The following MCF2L variants were observed in gnomAD, a reference collection of about 807,000 sequenced individuals.
The protein encoded by MCF2L is MCF.2 cell line derived transforming sequence like.
Under a neutral mutation model 153.4 loss-of-function variants are expected in MCF2L, and 97 were observed. The ratio of observed to expected loss-of-function variants is 0.63; its 90% CI spans 0.54 to 0.75. The LOEUF is 0.75. Ranked by LOEUF, MCF2L falls within the 30% of genes least tolerant of loss-of-function variation. The pLI, the probability that MCF2L is intolerant of heterozygous loss-of-function variation, is 0.00. For missense variants in MCF2L, 1,347 were observed against 1,495.2 expected (o/e 0.90, Z 1.64); for synonymous variants, 659 against 632.2 (o/e 1.04, Z -0.64).
At chr13:112,936,849 A>G (rs2081519986) in intron 2 of MCF2L, among the ~76,000 whole-genome samples, 1 of 152,150 alleles carries the variant, frequency 6.6e-6, no homozygotes, top group Non-Finnish European at 1.5e-5. Flanking sequence ...TATAATACCT[A>G]ATACAATGTA....
At chr13:113,082,627 G>A (rs1017716208) in intron 17 of MCF2L, 85 bp downstream of exon 17, 15 of 1,041,542 alleles carry the variant, frequency 1.4e-5, no homozygotes, top group Non-Finnish European at 2.0e-5. Context: ...AATGGGGGTG[G>A]AGGCCAGGCC....
intron 3 of MCF2L, among the ~76,000 whole-genome samples, chr13:113,030,187 G>A (rs1050513948): frequency 1.3e-5 from 2 of 152,152 alleles, no homozygotes; most frequent in East Asian, 3.8e-4. Context: ...GGGTGAGCTC[G>A]TGCTTTGCTG....
chr13:113,091,248 G>T, intron 26 of MCF2L: 2 of 1,297,806 alleles, frequency 1.5e-6, no homozygotes, highest in Non-Finnish European at 2.0e-6. Flanking sequence ...AGGAAGCGCG[G>T]CCCAGCTGGC....
At chr13:113,033,599 T>A (rs1038549303) in intron 3 of MCF2L, among the ~76,000 whole-genome samples, 4 of 152,212 alleles carry the variant, frequency 2.6e-5, no homozygotes, top group African/African-American at 9.7e-5. Context: ...GTGCCCTGTT[T>A]CTGGCAGTTC....
chr13:113,078,583 G>T, intron 14 of MCF2L, 83 bp from the exon 15 acceptor site: 1 of 1,435,320 alleles, frequency 7.0e-7, no homozygotes, highest in Non-Finnish European at 9.7e-7. Flanking sequence ...GTCCCCATAC[G>T]GGAACTGGTG....
Position 113,094,635 on chromosome 13 carries a change from G to A in MCF2L, c.3075G>A (p.Leu1025=). The part of the protein sequence containing the change: ...EEDGGLGPKK[L]VPGKYTVVAD... ...ACGGCGGGTTGGGCCCCAAGAAGCT[G>A]GTAACCACGGCTTCCCTGTGGGCAC... Residue 1025 remains leucine, a splice_region_variant and synonymous_variant, in exon 27 of 30, where the codon CTG becomes CTA. Transcript: ENST00000535094. The A allele has an allele frequency of 6.2e-7, 1 of 1,608,542 alleles. No homozygotes were observed. Among genetic ancestry groups the A allele is most frequent in the South Asian group, 1.1e-5 (1 of 90,490 alleles).
At chr13:112,936,711 T>C (rs2081518783) in intron 2 of MCF2L, among the ~76,000 whole-genome samples, 1 of 152,238 alleles carries the variant, frequency 6.6e-6, no homozygotes, top group African/African-American at 2.4e-5. Flanking sequence ...AGGAAATTGT[T>C]TCCTAGGACA....
At chr13:112,942,606 C>T (rs2081587501) in intron 2 of MCF2L, among the ~76,000 whole-genome samples, 1 of 152,180 alleles carries the variant, frequency 6.6e-6, no homozygotes, top group Non-Finnish European at 1.5e-5. Context: ...GGGGCTGGAC[C>T]CTACAGTCCA....
At chr13:113,069,892 C>T (rs914080765) in intron 8 of MCF2L, among the ~76,000 whole-genome samples, 167 bp from the exon 9 acceptor site, 1 of 152,154 alleles carries the variant, frequency 6.6e-6, no homozygotes, top group Non-Finnish European at 1.5e-5. Context: ...GCCCTGAGTG[C>T]CCGCGCCCGC....
intron 2 of MCF2L, among the ~76,000 whole-genome samples, chr13:112,919,244 C>G (rs1191765623): frequency 1.7e-5 from 2 of 119,618 alleles, no homozygotes; most frequent in African/African-American, 6.5e-5. Flanking sequence ...CTTGCTCTGT[C>G]GCCCAGGCTG....
chr13:112,942,120 G>A (rs921722835), intron 2 of MCF2L, among the ~76,000 whole-genome samples: 23 of 152,332 alleles, frequency 1.5e-4, no homozygotes, highest in Non-Finnish European at 2.5e-4. Flanking sequence ...CTTGTGGAGG[G>A]TCTGTCAGGC....
At chr13:113,005,719 G>A (rs2083651462) in intron 1 of MCF2L, among the ~76,000 whole-genome samples, 1 of 152,204 alleles carries the variant, frequency 6.6e-6, no homozygotes, top group African/African-American at 2.4e-5. Context: ...GCTGGGAGTG[G>A]ATGTTGGGTA....
At chr13:112,968,748 G>T (rs2081943597), upstream of MCF2L, 1 of 1,382,090 alleles carries the variant, frequency 7.2e-7, no homozygotes, top group East Asian at 3.0e-5. Flanking sequence ...GCGGCCCCGC[G>T]GAGGCAGCTG....
In MCF2L at chr13:113,081,326, G is replaced by T. The variant is rs555603789; in HGVS notation, c.1875+47G>T. On this transcript the variant is annotated intron_variant, in intron 16 of 29. Coordinates refer to ENST00000535094, the MANE Select transcript of MCF2L (RefSeq NM_001112732.3). ...GCCGACTGCCACGGGGACTCCCCTG[G>T]GCCAGCTGGTGGGGCTTCCTCTGAC... The T allele has an allele frequency of 4.5e-4, 688 of 1,532,810 alleles. 12 individuals carry two copies. In the South Asian group the frequency reaches 7.7e-3, roughly 17 times the overall value. 95.0% of individuals were successfully genotyped at this position (1,532,810 alleles called of 1,614,324 possible).
intron 1 of MCF2L, among the ~76,000 whole-genome samples, chr13:113,004,122 C>G (rs951335381): frequency 6.6e-6 from 1 of 152,168 alleles, no homozygotes; most frequent in Non-Finnish European, 1.5e-5. Flanking sequence ...CTGGTGCAGG[C>G]CACGCCTCCC....
intron 2 of MCF2L, among the ~76,000 whole-genome samples, chr13:112,939,280 T>G (rs2081551833): frequency 6.6e-6 from 1 of 152,274 alleles, no homozygotes; most frequent in East Asian, 1.9e-4. Flanking sequence ...GTCGTGGACA[T>G]CTGGGGCTGG....
chr13:113,056,791 AGT>A (rs2029939892), intron 4 of MCF2L, among the ~76,000 whole-genome samples: 2 of 84,212 alleles, frequency 2.4e-5, no homozygotes, highest in Non-Finnish European at 4.1e-5. Flanking sequence ...TTTGGCACTG[AGT>A]GTTTGGGTGC....
rs1316158108 is a variant in MCF2L, at chr13:112,993,631, G to C, written c.80-21132G>C. 6.6e-6 allele frequency among the ~76,000 whole-genome samples: 1 copy of C among 152,114 alleles called. No homozygotes were observed. Among genetic ancestry groups the C allele is most frequent in the Non-Finnish European group, 1.5e-5 (1 of 68,030 alleles). Reference sequence around the variant, plus strand: ...GGGGCTTAGGGATGTTTCTTGGAGAGAGGGAGCGAGAAGTCATCGTCAATG... The same window carrying C: ...GGGGCTTAGGGATGTTTCTTGGAGACAGGGAGCGAGAAGTCATCGTCAATG... On this transcript the variant is annotated intron_variant, in intron 1 of 29. Transcript: ENST00000535094. The surrounding 1 kb of genome is among the most constrained non-coding windows in gnomAD (Gnocchi z 4.6).
At chr13:112,938,176 A>G (rs2081540325) in intron 2 of MCF2L, among the ~76,000 whole-genome samples, 1 of 132,034 alleles carries the variant, frequency 7.6e-6, no homozygotes, top group Non-Finnish European at 1.6e-5. Context: ...GGGTTGGTTC[A>G]GGTGAGCGCT....
Sources: allele counts gnomAD v4.1 joint callset (sites outside exome capture counted in the v4.1 genomes callset), GRCh38; gene constraint gnomAD v4.1.1; non-coding constraint Gnocchi (gnomAD v3.1); transcripts MANE v1.5; gene names NCBI Gene and HGNC (gene_info 2026-07-23, HGNC 2026-07-21).